Variants in ADAMTS20 observed in about 807,000 individuals in gnomAD.
ADAMTS20 encodes the protein A disintegrin and metalloproteinase with thrombospondin motifs 20.
A neutral mutation model predicts 260.1 loss-of-function variants in ADAMTS20; 225 were observed. That is an observed-to-expected ratio of 0.87 (90% CI 0.78 to 0.97). ADAMTS20 has a LOEUF of 0.97. ADAMTS20 is among the 50% of genes least tolerant of loss of function. ADAMTS20 has a pLI of 0.00. For synonymous variants in ADAMTS20, 802 were observed against 769.5 expected (o/e 1.04, Z -0.70); for missense variants, 2,400 against 2,337.7 (o/e 1.03, Z -0.55).
intron 28 of ADAMTS20, among the ~76,000 whole-genome samples, chr12:43,414,242 T>C (rs1226993445): frequency 6.6e-6 from 1 of 152,164 alleles, no homozygotes; most frequent in Non-Finnish European, 1.5e-5. Flanking sequence ...AATAAATCTT[T>C]GCTACACACA....
chr12:43,465,743 G>A (rs2137380430), intron 9 of ADAMTS20, among the ~76,000 whole-genome samples: 1 of 152,068 alleles, frequency 6.6e-6, no homozygotes, highest in African/African-American at 2.4e-5. Context: ...ATTGAACAAA[G>A]CTATATACAA....
intron 3 of ADAMTS20, among the ~76,000 whole-genome samples, chr12:43,521,450 T>A (rs759350486): frequency 1.3e-5 from 2 of 152,216 alleles, no homozygotes; most frequent in Non-Finnish European, 2.9e-5. Flanking sequence ...CTCTTCAAAG[T>A]TGAGAAAAAT....
In ADAMTS20 at chr12:43,369,316, A is replaced by C; in HGVS notation, c.5512T>G (p.Cys1838Gly). The C allele has an allele frequency of 1.9e-6, 3 of 1,555,310 alleles. No homozygotes were observed. The highest frequency in any genetic ancestry group is 2.6e-6 in the Non-Finnish European group (3 of 1,152,118). ...TGTGGGCATCTGAAAGCACTGTAGC[A>C]ATCTCCAGCTGTGGCAAATGGAACT... Reference protein sequence around the residue: ...NAVPFATAGDCYSAFRCPQGQ... With the variant: ...NAVPFATAGDGYSAFRCPQGQ... The change falls in exon 37 of 39, where the codon TGC (cysteine) becomes GGC (glycine). Residue 1838 changes from cysteine (C) to glycine (G), a missense_variant. Coordinates refer to ENST00000389420, the MANE Select transcript of ADAMTS20 (RefSeq NM_025003.5).
At chr12:43,459,202 G>A (rs942624980) in intron 11 of ADAMTS20, among the ~76,000 whole-genome samples, 5 of 152,200 alleles carry the variant, frequency 3.3e-5, no homozygotes, top group Admixed American at 2.6e-4. Context: ...TCGCGGACCT[G>A]CTGCTGACTT....
chr12:43,485,976 A>T (rs1049571124), intron 7 of ADAMTS20, among the ~76,000 whole-genome samples: 2 of 152,200 alleles, frequency 1.3e-5, no homozygotes, highest in African/African-American at 2.4e-5. Context: ...GGACTGGAAA[A>T]ATCAATATCA....
At chr12:43,490,358 A>G (rs1942581995) in intron 7 of ADAMTS20, 37 bp downstream of exon 7, 1 of 1,054,732 alleles carries the variant, frequency 9.5e-7, no homozygotes, top group Non-Finnish European at 1.3e-6. Flanking sequence ...TCAATAAACA[A>G]TTACATAAGC....
intron 29 of ADAMTS20, among the ~76,000 whole-genome samples, chr12:43,390,574 T>C (rs553342656): frequency 4.0e-4 from 61 of 152,348 alleles, no homozygotes; most frequent in Non-Finnish European, 5.9e-4. Context: ...TCATCACTTA[T>C]CAGTTCTATC....
In ADAMTS20 at chr12:43,443,784, T is replaced by C; in HGVS notation, c.2290+7A>G. The C allele has an allele frequency of 1.9e-6, 3 of 1,609,922 alleles. No individual in the cohort carries two copies. The highest frequency in any genetic ancestry group is 2.5e-6 in the Non-Finnish European group (3 of 1,176,622). Reference sequence around the variant, plus strand: ...CATACTGGCTGTTGTTTACGAGAAATGTTTACCAAGGTAACTGTCATCTGG... The same window carrying C: ...CATACTGGCTGTTGTTTACGAGAAACGTTTACCAAGGTAACTGTCATCTGG... On this transcript the variant is annotated splice_region_variant and intron_variant, in intron 16 of 38. Coordinates refer to ENST00000389420, the MANE Select transcript of ADAMTS20 (RefSeq NM_025003.5).
intron 3 of ADAMTS20, among the ~76,000 whole-genome samples, chr12:43,520,905 T>C (rs953656083): frequency 6.6e-6 from 1 of 152,150 alleles, no homozygotes; most frequent in African/African-American, 2.4e-5. Context: ...TTTCTTTTTG[T>C]TTTTTTCCAC....
At chr12:43,405,229 C>CAAAAAAAAAAAAAAAAAAAAAAAAAAAA (rs869040570) in intron 28 of ADAMTS20, among the ~76,000 whole-genome samples, 1 of 52,790 alleles carries the variant, frequency 1.9e-5, no homozygotes, top group African/African-American at 8.8e-5. Flanking sequence ...CTCATCTCTA[C>CAAAAAAAAAAAAAAAAAAAAAAAAAAAA]AAAAAAAAAA....
chr12:43,413,044 C>T (rs762760693), intron 28 of ADAMTS20, among the ~76,000 whole-genome samples: 3 of 151,914 alleles, frequency 2.0e-5, no homozygotes, highest in South Asian at 2.1e-4. Flanking sequence ...CTTCTGACCT[C>T]GTGATCTGCC....
intron 9 of ADAMTS20, among the ~76,000 whole-genome samples, chr12:43,465,734 T>C (rs1482646110): frequency 6.6e-6 from 1 of 152,074 alleles, no homozygotes; most frequent in East Asian, 1.9e-4. Context: ...TTTTTAACCA[T>C]TGAACAAAGC....
intron 2 of ADAMTS20, among the ~76,000 whole-genome samples, chr12:43,543,962 C>T (rs1943410419): frequency 1.3e-5 from 2 of 151,908 alleles, no homozygotes; most frequent in South Asian, 2.1e-4. Context: ...CAATATTTTT[C>T]CAATAGAAAA....
At chr12:43,438,742 A>T (rs1941603721) in intron 18 of ADAMTS20, among the ~76,000 whole-genome samples, 1 of 151,852 alleles carries the variant, frequency 6.6e-6, no homozygotes, top group African/African-American at 2.4e-5. Context: ...GCCCTGACCC[A>T]CTCCTGCCCT....
chr12:43,409,974 T>C (rs1021836444), intron 28 of ADAMTS20, among the ~76,000 whole-genome samples: 1 of 152,152 alleles, frequency 6.6e-6, no homozygotes, highest in African/African-American at 2.4e-5. Context: ...TAAAGTAAAA[T>C]AGGCAATGCC....
At chr12:43,524,063 T>C (rs1943108769) in intron 3 of ADAMTS20, among the ~76,000 whole-genome samples, 1 of 149,850 alleles carries the variant, frequency 6.7e-6, no homozygotes, top group South Asian at 2.1e-4. Context: ...ACACAGTCCA[T>C]TACGGCATCT....
intron 3 of ADAMTS20, among the ~76,000 whole-genome samples, chr12:43,511,823 A>T (rs532977510): frequency 5.1e-4 from 78 of 152,262 alleles, no homozygotes; most frequent in African/African-American, 1.8e-3. Context: ...TCCATTTTTT[A>T]AATGAGGACA....
At chr12:43,393,079 T>A (rs1940628664) in intron 29 of ADAMTS20, among the ~76,000 whole-genome samples, 1 of 152,018 alleles carries the variant, frequency 6.6e-6, no homozygotes. Context: ...AAATGTAACA[T>A]TTCCATAGCA....
At chr12:43,398,404 T>C (rs926459438) in intron 29 of ADAMTS20, among the ~76,000 whole-genome samples, 4 of 152,142 alleles carry the variant, frequency 2.6e-5, no homozygotes, top group Non-Finnish European at 5.9e-5. Context: ...GTCTCATTTA[T>C]TTATCAGCTT....
Sources: gnomAD v4.1 joint callset for allele counts (sites outside exome capture counted in the v4.1 genomes callset) on GRCh38, gnomAD v4.1.1 for gene constraint, MANE v1.5 for transcripts, NCBI Gene and HGNC (gene_info 2026-07-23, HGNC 2026-07-21) for gene names.